CAMK2B: variants seen among roughly 807,000 people sequenced by gnomAD.
CAMK2B encodes calcium/calmodulin-dependent protein kinase type II subunit beta.
CAMK2B carries 27 observed loss-of-function variants against 93.7 expected under a neutral mutation model. The observed-to-expected ratio is 0.29, with a 90% CI of 0.21 to 0.40. The LOEUF is 0.40. Ranked by LOEUF, CAMK2B falls within the 10% of genes least tolerant of loss-of-function variation. The pLI is 1.00. For missense variants in CAMK2B, 568 were observed against 895.8 expected, an observed-to-expected ratio of 0.63 and a Z score of 4.67; for synonymous variants, 374 against 358.8, an observed-to-expected ratio of 1.04 and a Z score of -0.48.
chr7:44,320,719 G>T (rs575369181), intron 1 of CAMK2B, among the ~76,000 whole-genome samples: 3 of 152,166 alleles, frequency 2.0e-5, no homozygotes, highest in Non-Finnish European at 2.9e-5. Flanking sequence ...CAGCATGTGC[G>T]ACTTCTTTTT....
intron 19 of CAMK2B, among the ~76,000 whole-genome samples, chr7:44,228,493 G>A (rs992223114): frequency 1.3e-5 from 2 of 152,212 alleles, no homozygotes; most frequent in Middle Eastern, 3.4e-3. Context: ...GGCCTCGGAG[G>A]GGCCAGGGCT....
At chr7:44,226,385 G>A (rs1583779462) in intron 20 of CAMK2B, 131 bp downstream of exon 20, 1 of 711,698 alleles carries the variant, frequency 1.4e-6, no homozygotes, top group African/African-American at 1.9e-5. Flanking sequence ...AATTCCCTGG[G>A]ACCCAGCAGA....
At chr7:44,229,301 GCCT>G in intron 18 of CAMK2B, 84 bp downstream of exon 18, 2 of 862,908 alleles carry the variant, frequency 2.3e-6, no homozygotes, top group East Asian at 5.6e-5. Context: ...TCCACGCTCA[GCCT>G]GCCCTCGGCT....
At chr7:44,244,087 A>G (rs2096707897) in intron 6 of CAMK2B, among the ~76,000 whole-genome samples, 1 of 152,162 alleles carries the variant, frequency 6.6e-6, no homozygotes, top group Non-Finnish European at 1.5e-5. Flanking sequence ...AGAAACGCCC[A>G]GGGCCCTCAG....
intron 18 of CAMK2B, 54 bp from the exon 19 acceptor site, chr7:44,228,978 C>T (rs779461512): frequency 6.3e-6 from 10 of 1,584,116 alleles, no homozygotes; most frequent in East Asian, 2.3e-5. Context: ...CACGAGGCGG[C>T]GGCAAGGCGG....
At chr7:44,238,541 G>C (rs1322120883) in intron 13 of CAMK2B, among the ~76,000 whole-genome samples, 1 of 152,200 alleles carries the variant, frequency 6.6e-6, no homozygotes, top group Admixed American at 6.5e-5. Context: ...TGGGCTCATG[G>C]GAGGAGAATA....
chr7:44,284,091 A>T (rs1180644955), intron 2 of CAMK2B, 40 bp downstream of exon 2: 22 of 1,489,024 alleles, frequency 1.5e-5, no homozygotes, highest in Non-Finnish European at 1.9e-5. Flanking sequence ...CCCCTGCCCC[A>T]GCCTGACAGC....
chr7:44,322,160 G>C (rs1000598693), intron 1 of CAMK2B, among the ~76,000 whole-genome samples: 8 of 152,222 alleles, frequency 5.3e-5, no homozygotes, highest in Non-Finnish European at 1.0e-4. Context: ...AGCAGCCTGC[G>C]ATCAAACACA....
chr7:44,300,368 C>A (rs1165366370), intron 1 of CAMK2B, among the ~76,000 whole-genome samples: 1 of 151,924 alleles, frequency 6.6e-6, no homozygotes, highest in Admixed American at 6.6e-5. Flanking sequence ...TGCTATGGTG[C>A]CCAAGCTGGT....
rs1377062446 is a variant in CAMK2B, at chr7:44,262,989, A to G, written c.220+16T>C. 1.9e-6 allele frequency: 3 copies of G among 1,611,282 alleles called. No individual in the cohort carries two copies. The highest frequency in any genetic ancestry group is 2.2e-5 in the South Asian group (2 of 90,910). On this transcript the variant is annotated intron_variant, in intron 3 of 23. Coordinates refer to ENST00000395749, the MANE Select transcript of CAMK2B (RefSeq NM_001220.5). ...AGGTGGGGACCCATCCCCGCTCCCTACCCCAGGCTGCTCACCGATGTTGGA... is the reference window on the plus strand; with the variant it reads ...AGGTGGGGACCCATCCCCGCTCCCTGCCCCAGGCTGCTCACCGATGTTGGA...
At chr7:44,263,863 C>T (rs2096901414) in intron 2 of CAMK2B, 1 of 154,570 alleles carries the variant, frequency 6.5e-6, no homozygotes, top group African/African-American at 2.4e-5. Flanking sequence ...TGCATCAAAG[C>T]CCTCTGCCAA....
intron 2 of CAMK2B, among the ~76,000 whole-genome samples, chr7:44,279,393 T>C (rs1256917712): frequency 6.6e-6 from 1 of 152,226 alleles, no homozygotes; most frequent in Non-Finnish European, 1.5e-5. Flanking sequence ...GCGGAGGGCC[T>C]GTGTACAACT....
chr7:44,258,588 C>T (rs1274553255), intron 4 of CAMK2B, among the ~76,000 whole-genome samples: 1 of 152,238 alleles, frequency 6.6e-6, no homozygotes, highest in Non-Finnish European at 1.5e-5. Flanking sequence ...TCCACCCACC[C>T]GCTGCCTCCA....
intron 2 of CAMK2B, among the ~76,000 whole-genome samples, chr7:44,267,261 G>A (rs2096928831): frequency 6.6e-6 from 1 of 152,152 alleles, no homozygotes; most frequent in Admixed American, 6.5e-5. Flanking sequence ...CAGTCCCTGG[G>A]GCACAAAAAG....
chr7:44,265,893 TG>T, intron 2 of CAMK2B, among the ~76,000 whole-genome samples: 1 of 151,630 alleles, frequency 6.6e-6, no homozygotes, highest in Non-Finnish European at 1.5e-5. Context: ...CCATAAACCA[TG>T]ACACAAGATC....
At chr7:44,243,609 C>T in intron 6 of CAMK2B, 82 bp from the exon 7 acceptor site, 1 of 1,077,630 alleles carries the variant, frequency 9.3e-7, no homozygotes, top group Non-Finnish European at 1.4e-6. Flanking sequence ...GGTTACAAAA[C>T]AGAGAAAACA....
chr7:44,272,322 G>C (rs747668413), intron 2 of CAMK2B, among the ~76,000 whole-genome samples: 6 of 152,098 alleles, frequency 3.9e-5, no homozygotes, highest in African/African-American at 7.2e-5. Context: ...GGTGTCGAAG[G>C]GGGTAGGCGG....
Position 44,239,603 on chromosome 7 carries a change from C to T in CAMK2B, c.1007G>A (p.Gly336Glu). The change falls in exon 13 of 24, where the codon GGG becomes GAG. Residue 336 changes from glycine to glutamate, a missense_variant. This residue lies in a region of CAMK2B where 308 missense variants were observed against 292.1 expected (regional missense o/e 1.05). Coordinates refer to ENST00000395749, the MANE Select transcript of CAMK2B (RefSeq NM_001220.5). The stretch of plus-strand genomic sequence containing the variant: ...GACACATCTACCTTGTTCCACCAGC[C>T]CCATGGTGGTGCCGGAGGCCGCGGT... ...MSTAASGTTM[G>E]LVEQAKSLLN... is the part of the protein sequence containing the mutation. 1.9e-6 allele frequency: 3 copies of T among 1,550,006 alleles called. No individual in the cohort carries two copies. The highest frequency in any genetic ancestry group is 2.6e-6 in the Non-Finnish European group (3 of 1,146,770).
chr7:44,233,061 C>T (rs963905412), intron 15 of CAMK2B, among the ~76,000 whole-genome samples, 195 bp from the exon 16 acceptor site: 6 of 151,994 alleles, frequency 3.9e-5, no homozygotes, highest in Non-Finnish European at 5.9e-5. Flanking sequence ...CTGGGTCAGC[C>T]GGCAGGGATG....
Sources: allele counts gnomAD v4.1 joint callset (sites outside exome capture counted in the v4.1 genomes callset), GRCh38; gene constraint gnomAD v4.1.1; regional missense constraint gnomAD v4.1.1; transcripts MANE v1.5; gene names NCBI Gene and HGNC (gene_info 2026-07-23, HGNC 2026-07-21).